APP: variants seen among roughly 807,000 people sequenced by gnomAD.
The protein encoded by APP is amyloid beta precursor protein, also known as amyloid-beta precursor protein.
In APP, 31 loss-of-function variants were observed where a neutral mutation model predicts 101.4. The observed-to-expected ratio is 0.31, with a 90% CI of 0.23 to 0.41. The LOEUF is 0.41. Among genes scored for constraint, APP ranks in the 10% least tolerant of loss-of-function variants. The pLI is 1.00. For missense variants in APP, 839 were observed against 1,003.7 expected, an observed-to-expected ratio of 0.84 and a Z score of 2.22; for synonymous variants, 366 against 364.4, an observed-to-expected ratio of 1.00 and a Z score of -0.05.
chr21:25,976,134 A>C (rs3737414), intron 9 of APP, 106 bp from the exon 10 acceptor site: 21 of 967,776 alleles, frequency 2.2e-5, no homozygotes, highest in South Asian at 1.5e-4. Flanking sequence ...GTCATTTTAG[A>C]TATTTAAAAA....
chr21:26,011,674 C>T (rs1367912221), intron 6 of APP, among the ~76,000 whole-genome samples: 15 of 152,046 alleles, frequency 9.9e-5, no homozygotes, highest in Admixed American at 9.8e-4. Flanking sequence ...AGTAACTTTG[C>T]CCACCAAGAC....
At chr21:25,901,560 TACTA>T (rs1471228345) in intron 15 of APP, among the ~76,000 whole-genome samples, 1 of 151,990 alleles carries the variant, frequency 6.6e-6, no homozygotes, top group Non-Finnish European at 1.5e-5. Context: ...AAGCAAATCT[TACTA>T]AAAGACAAAA....
intron 14 of APP, among the ~76,000 whole-genome samples, chr21:25,906,697 T>G (rs1424503810): frequency 1.3e-5 from 2 of 152,210 alleles, no homozygotes; most frequent in Non-Finnish European, 2.9e-5. Context: ...CAACCTGTAA[T>G]GAGTAACTGT....
intron 10 of APP, 144 bp downstream of exon 10, chr21:25,975,810 T>C: frequency 4.2e-6 from 3 of 713,138 alleles, no homozygotes; most frequent in Middle Eastern, 5.3e-4. Flanking sequence ...ACTCAATTAC[T>C]AGACAATGAT....
chr21:25,955,068 T>G (rs1288240058), intron 12 of APP, among the ~76,000 whole-genome samples: 2 of 140,270 alleles, frequency 1.4e-5, no homozygotes, highest in Admixed American at 7.3e-5. Context: ...CCCTCATGCC[T>G]AAATACATTT....
At position 25,911,862 on chromosome 21, in the gene APP, A is replaced by AGAT. The variant is rs2039091397; in HGVS notation, c.1785_1787dup (p.Ser596dup). ...CCACGGTGGTTTTCGTTTCGGTCAA[A>AGAT]GATGGCATGAGAGCATCGTTTCCGT... On this transcript the variant is annotated inframe_insertion, in exon 14 of 18. Coordinates refer to ENST00000346798, the MANE Select transcript of APP (RefSeq NM_000484.4). The AGAT allele has an allele frequency of 1.9e-6, 3 of 1,614,208 alleles. No individual in the cohort carries two copies. Among genetic ancestry groups the AGAT allele is most frequent in the Non-Finnish European group, 2.5e-6 (3 of 1,180,030 alleles).
intron 6 of APP, among the ~76,000 whole-genome samples, chr21:26,021,586 C>A (rs117621485): frequency 1.7e-3 from 258 of 152,218 alleles, no homozygotes; most frequent in Non-Finnish European, 3.1e-3. Context: ...TGGGCGGAGT[C>A]TTGTAGAATT....
At position 25,921,185 on chromosome 21, in the gene APP, A is replaced by G. The variant is rs1601408591; in HGVS notation, c.1688-9223T>C. 3.2e-5 allele frequency among the ~76,000 whole-genome samples: 4 copies of G among 126,328 alleles called. No individual in the cohort carries two copies. The East Asian group carries it at 9.2e-4, about 29-fold the overall frequency. The allele number at this position is 126,328 out of a possible 152,430, so 82.9% of individuals were successfully genotyped here. A position where few individuals can be genotyped will look rare whatever the true frequency, so the allele number is the denominator to read the frequency against. Reference sequence around the variant, plus strand: ...AAGATGTTCTTTGAAACCAACGAGAACAAAGACACAACATACCAGAATCTC... The same window carrying G: ...AAGATGTTCTTTGAAACCAACGAGAGCAAAGACACAACATACCAGAATCTC... On this transcript the variant is annotated intron_variant, in intron 13 of 17. Transcript: ENST00000346798.
At chr21:26,006,747 A>C (rs1165229545) in intron 6 of APP, among the ~76,000 whole-genome samples, 1 of 152,222 alleles carries the variant, frequency 6.6e-6, no homozygotes, top group Non-Finnish European at 1.5e-5. Context: ...TGGCAACCAG[A>C]ATGGGGAGAA....
At chr21:25,987,127 T>C (rs896618124) in intron 8 of APP, among the ~76,000 whole-genome samples, 4 of 152,250 alleles carry the variant, frequency 2.6e-5, no homozygotes, top group South Asian at 4.1e-4. Context: ...ATGATGTCCG[T>C]TGGCTTGTTT....
At chr21:26,161,506 G>A (rs2063491429) in intron 1 of APP, among the ~76,000 whole-genome samples, 1 of 152,158 alleles carries the variant, frequency 6.6e-6, no homozygotes, top group Non-Finnish European at 1.5e-5. Context: ...TTTGTGAAAT[G>A]AAGGAGTGGC....
chr21:26,077,411 T>C (rs946877213), intron 3 of APP, among the ~76,000 whole-genome samples: 1 of 152,240 alleles, frequency 6.6e-6, no homozygotes, highest in Non-Finnish European at 1.5e-5. Flanking sequence ...ACGCTCATAC[T>C]TAGGCGTATT....
chr21:25,986,888 A>AT (rs2042660879), intron 8 of APP, among the ~76,000 whole-genome samples: 1 of 152,292 alleles, frequency 6.6e-6, no homozygotes, highest in East Asian at 1.9e-4. Flanking sequence ...AAATTACCCT[A>AT]TTTTATTGCG....
At chr21:26,169,008 AAG>A (rs1248818330) in intron 1 of APP, among the ~76,000 whole-genome samples, 3 of 152,310 alleles carry the variant, frequency 2.0e-5, no homozygotes, top group African/African-American at 7.2e-5. Flanking sequence ...GCTGGGGGAA[AAG>A]AGGGGAAAAA....
At chr21:25,909,273 A>G (rs1168688042) in intron 14 of APP, among the ~76,000 whole-genome samples, 4 of 151,760 alleles carry the variant, frequency 2.6e-5, no homozygotes, top group African/African-American at 7.3e-5. Flanking sequence ...TCTCAAAAAA[A>G]AAAAAAAAAA....
chr21:25,978,776 A>G (rs1158013110), intron 9 of APP, among the ~76,000 whole-genome samples: 1 of 152,122 alleles, frequency 6.6e-6, no homozygotes, highest in Non-Finnish European at 1.5e-5. Flanking sequence ...ACATGGTGAA[A>G]CCCTGTCTCT....
intron 2 of APP, among the ~76,000 whole-genome samples, chr21:26,101,750 C>A (rs1489284228): frequency 6.6e-6 from 1 of 152,132 alleles, no homozygotes; most frequent in East Asian, 1.9e-4. Flanking sequence ...AGTGTCTTGA[C>A]CAGAAAGCAT....
chr21:26,023,531 G>A (rs1044899322), intron 5 of APP, among the ~76,000 whole-genome samples: 4 of 148,420 alleles, frequency 2.7e-5, no homozygotes, highest in Non-Finnish European at 5.9e-5. Flanking sequence ...CAAAGACACT[G>A]CCTCCTTAAA....
intron 13 of APP, among the ~76,000 whole-genome samples, chr21:25,945,052 C>A (rs1447010109): frequency 6.6e-6 from 1 of 152,160 alleles, no homozygotes; most frequent in African/African-American, 2.4e-5. Flanking sequence ...CAGGCTCCAT[C>A]CATTTGGTTG....
Sources: allele counts gnomAD v4.1 joint callset (sites outside exome capture counted in the v4.1 genomes callset), GRCh38; gene constraint gnomAD v4.1.1; transcripts MANE v1.5; gene names NCBI Gene and HGNC (gene_info 2026-07-23, HGNC 2026-07-21).